Variants in ARHGAP5 observed in about 807,000 individuals in gnomAD.
ARHGAP5 encodes the protein Rho GTPase activating protein 5, also known as rho GTPase-activating protein 5.
In ARHGAP5, 23 loss-of-function variants were observed where a neutral mutation model predicts 116.6. The ratio of observed to expected loss-of-function variants is 0.20; its 90% CI spans 0.14 to 0.28. The LOEUF is 0.28. Ranked by LOEUF, ARHGAP5 falls within the 10% of genes least tolerant of loss-of-function variation. The pLI is 1.00. For missense variants in ARHGAP5, 1,405 were observed against 1,774.8 expected (o/e 0.79, Z 3.74); for synonymous variants, 574 against 602.0 (o/e 0.95, Z 0.68).
chr14:32,100,379 A>G (rs949727763), intron 2 of ARHGAP5, among the ~76,000 whole-genome samples: 1 of 151,960 alleles, frequency 6.6e-6, no homozygotes, highest in African/African-American at 2.4e-5. Context: ...TTTTGTTGTC[A>G]TAGAGATGGG....
intron 3 of ARHGAP5, among the ~76,000 whole-genome samples, chr14:32,131,217 A>G (rs1880469070): frequency 6.7e-6 from 1 of 149,604 alleles, no homozygotes; most frequent in Non-Finnish European, 1.5e-5. Flanking sequence ...CCAAGGTCCC[A>G]GCAAGAATCA....
At chr14:32,086,425 A>T (rs1233978634) in intron 1 of ARHGAP5, among the ~76,000 whole-genome samples, 3 of 152,134 alleles carry the variant, frequency 2.0e-5, no homozygotes, top group African/African-American at 7.2e-5. Context: ...GGGAAAAGGG[A>T]GCAGAAGTGA....
intron 1 of ARHGAP5, among the ~76,000 whole-genome samples, chr14:32,080,531 A>G (rs1291404974): frequency 6.6e-6 from 1 of 151,926 alleles, no homozygotes; most frequent in Non-Finnish European, 1.5e-5. Flanking sequence ...TTCGTTATTC[A>G]TTAGTTCAGA....
chr14:32,147,397 A>G (rs147995924), intron 4 of ARHGAP5, among the ~76,000 whole-genome samples: 1 of 152,362 alleles, frequency 6.6e-6, no homozygotes, highest in Admixed American at 6.5e-5. Flanking sequence ...TAAATACATG[A>G]AAATATGCTT....
At chr14:32,103,432 C>G (rs977890251) in intron 2 of ARHGAP5, among the ~76,000 whole-genome samples, 15 of 152,110 alleles carry the variant, frequency 9.9e-5, no homozygotes, top group Non-Finnish European at 1.5e-4. Flanking sequence ...ATTTGGCTTT[C>G]TATACAAACT....
Position 32,146,354 on chromosome 14 carries a change from T to G in ARHGAP5, c.3943+14T>G. 1 of 1,573,348 alleles carries G rather than the reference T, an allele frequency of 6.4e-7. No individual in the cohort carries two copies. The highest frequency in any genetic ancestry group is 8.7e-7 in the Non-Finnish European group (1 of 1,146,888). ...AGTTTGATCAAGGTAAGAAGATGAT[T>G]ATGTGAAATAAAAATTGTTGTTTTA... On this transcript the variant is annotated intron_variant, in intron 4 of 6. Coordinates refer to ENST00000345122, the MANE Select transcript of ARHGAP5 (RefSeq NM_001030055.2).
At chr14:32,131,347 A>G (rs1340876568) in intron 3 of ARHGAP5, among the ~76,000 whole-genome samples, 5 of 151,126 alleles carry the variant, frequency 3.3e-5, no homozygotes, top group African/African-American at 1.2e-4. Flanking sequence ...AAATCAATTT[A>G]TAATTGTATT....
intron 3 of ARHGAP5, among the ~76,000 whole-genome samples, chr14:32,138,734 C>T (rs1218462025): frequency 2.6e-5 from 4 of 152,164 alleles, no homozygotes; most frequent in East Asian, 3.9e-4. Context: ...TAATGTTAAA[C>T]GGAAGTGGCA....
chr14:32,099,473 G>T (rs997260507), intron 2 of ARHGAP5, among the ~76,000 whole-genome samples: 4 of 152,150 alleles, frequency 2.6e-5, no homozygotes, highest in African/African-American at 9.7e-5. Flanking sequence ...CTTAAAAACA[G>T]TAGACAGAAA....
At chr14:32,081,548 CAAAAAAAAAAAA>C (rs529516365) in intron 1 of ARHGAP5, among the ~76,000 whole-genome samples, 6 of 48,892 alleles carry the variant, frequency 1.2e-4, no homozygotes, top group African/African-American at 3.3e-4. Context: ...GACTCCTTCT[CAAAAAAAAAAAA>C]AAAAAAAAAA....
chr14:32,116,711 A>G (rs1171597811), intron 2 of ARHGAP5, among the ~76,000 whole-genome samples: 1 of 152,228 alleles, frequency 6.6e-6, no homozygotes, highest in East Asian at 1.9e-4. Context: ...TCATTATGCA[A>G]TCAATAATTA....
rs111832389 is a variant in ARHGAP5 at position 32,138,928 on chromosome 14, G to C, written c.3866-7335G>C. ...CATGAAAGGGTGATGAATTTTGTCAGATGCTTTTTCTACATCAATTGAGAT... is the reference window on the plus strand; with the variant it reads ...CATGAAAGGGTGATGAATTTTGTCACATGCTTTTTCTACATCAATTGAGAT... On this transcript the variant is annotated intron_variant, in intron 3 of 6. Transcript: ENST00000345122. Among the ~76,000 whole-genome samples the C allele has an allele frequency of 2.2e-3, 339 of 152,218 alleles. 1 individual carries two copies. Among genetic ancestry groups the C allele is most frequent in the African/African-American group, 7.8e-3 (324 of 41,534 alleles).
intron 3 of ARHGAP5, among the ~76,000 whole-genome samples, chr14:32,134,602 C>G (rs943680378): frequency 6.6e-6 from 1 of 152,044 alleles, no homozygotes; most frequent in Non-Finnish European, 1.5e-5. Flanking sequence ...TCAAAATAGC[C>G]GGCCTATTGA....
At position 32,092,920 on chromosome 14, in the gene ARHGAP5, A is replaced by G. The variant is rs781511877; in HGVS notation, c.2251A>G (p.Arg751Gly). 6.2e-7 allele frequency: 1 copy of G among 1,614,070 alleles called. No homozygotes were observed. The highest frequency in any genetic ancestry group is 1.1e-5 in the South Asian group (1 of 91,070). ...TGAAACCCAAATAAAGCAAGCTCTC[A>G]GAGGAGTATTGGAATCAGTTAAACA... ...FNETQIKQAL[R>G]GVLESVKHNL... Residue 751 changes from arginine to glycine, a missense_variant, in exon 2 of 7, where the codon AGA becomes GGA. This residue lies in a region of ARHGAP5 where 944 missense variants were observed against 1,095.3 expected (regional missense o/e 0.86). Transcript: ENST00000345122. The surrounding 1 kb of genome is among the most constrained non-coding windows in gnomAD (Gnocchi z 4.1).
intron 3 of ARHGAP5, among the ~76,000 whole-genome samples, chr14:32,124,394 A>G (rs1880042378): frequency 6.6e-6 from 1 of 152,190 alleles, no homozygotes; most frequent in Admixed American, 6.5e-5. Flanking sequence ...CCCTATTTTT[A>G]TAATAGTACT....
chr14:32,135,040 C>T (rs1156256987), intron 3 of ARHGAP5, among the ~76,000 whole-genome samples: 3 of 152,188 alleles, frequency 2.0e-5, no homozygotes, highest in Non-Finnish European at 4.4e-5. Flanking sequence ...ATTGCCCATG[C>T]TTGTCCATTC....
chr14:32,149,403 A>AT (rs1029168025), intron 4 of ARHGAP5, among the ~76,000 whole-genome samples: 15 of 152,090 alleles, frequency 9.9e-5, no homozygotes, highest in African/African-American at 2.4e-4. Context: ...GCCTAACAGC[A>AT]TTTTTTTATT....
chr14:32,110,778 T>C (rs1879254442), intron 2 of ARHGAP5, among the ~76,000 whole-genome samples: 1 of 152,100 alleles, frequency 6.6e-6, no homozygotes, highest in Non-Finnish European at 1.5e-5. Flanking sequence ...GAGTTAACAA[T>C]GAAGATGGTA....
Position 32,090,934 on chromosome 14 carries a change from A to C in ARHGAP5, c.265A>C (p.Lys89Gln). ...IQNSEDGVEC[K>Q]IHVIEQTEFI... The stretch of plus-strand genomic sequence containing the variant: ...AAATAGTGAAGATGGAGTAGAATGC[A>C]AAATTCATGTCATTGAACAAACAGA... Residue 89 changes from lysine to glutamine, a missense_variant, in exon 2 of 7, where the codon AAA (lysine) becomes CAA (glutamine). Lys to Gln is a moderately conservative substitution (Grantham distance 53). Transcript: ENST00000345122. 6.2e-7 allele frequency: 1 copy of C among 1,613,704 alleles called. No homozygotes were observed. The highest frequency in any genetic ancestry group is 8.5e-7 in the Non-Finnish European group (1 of 1,179,672).
Sources: allele counts gnomAD v4.1 joint callset (sites outside exome capture counted in the v4.1 genomes callset), GRCh38; gene constraint gnomAD v4.1.1; regional missense constraint gnomAD v4.1.1; non-coding constraint Gnocchi (gnomAD v3.1); transcripts MANE v1.5; gene names NCBI Gene and HGNC (gene_info 2026-07-23, HGNC 2026-07-21).